COL27A1: variants seen among roughly 807,000 people sequenced by gnomAD.
The protein encoded by COL27A1 is collagen alpha-1(XXVII) chain.
In COL27A1, 106 loss-of-function variants were observed where a neutral mutation model predicts 251.3. The ratio of observed to expected loss-of-function variants is 0.42; its 90% CI spans 0.36 to 0.50. The LOEUF is 0.50. Ranked by LOEUF, COL27A1 falls within the 20% of genes least tolerant of loss-of-function variation. The pLI is 0.00. For missense variants in COL27A1, 2,325 were observed against 2,522.8 expected (o/e 0.92, Z 1.68); for synonymous variants, 1,000 against 986.3 (o/e 1.01, Z -0.26).
intron 7 of COL27A1, among the ~76,000 whole-genome samples, chr9:114,204,599 A>G (rs1375707028): frequency 2.6e-5 from 4 of 152,008 alleles, no homozygotes; most frequent in Non-Finnish European, 5.9e-5. Flanking sequence ...TTGGGTTAAT[A>G]AATGTGGTCA....
At chr9:114,162,837 C>A in intron 2 of COL27A1, 52 bp downstream of exon 2, 1 of 1,359,772 alleles carries the variant, frequency 7.4e-7, no homozygotes, top group South Asian at 1.2e-5. Context: ...ACGGAAGGGG[C>A]CTGAGAACTC....
chr9:114,212,812 T>C (rs1830454558), intron 12 of COL27A1, among the ~76,000 whole-genome samples: 2 of 152,200 alleles, frequency 1.3e-5, no homozygotes, highest in African/African-American at 2.4e-5. Context: ...GTTTCCTGGA[T>C]GGCTGAGGGG....
At chr9:114,298,806 TTTG>T (rs1828418197) in intron 49 of COL27A1, among the ~76,000 whole-genome samples, 1 of 152,176 alleles carries the variant, frequency 6.6e-6, no homozygotes, top group Admixed American at 6.5e-5. Flanking sequence ...ATCAAACACT[TTTG>T]TGCTTCCAAA....
In COL27A1 at chr9:114,178,349, G is replaced by T; in HGVS notation, c.1962+5G>T. On this transcript the variant is annotated splice_donor_5th_base_variant and intron_variant, in intron 4 of 60. Coordinates refer to ENST00000356083, the MANE Select transcript of COL27A1 (RefSeq NM_032888.4). ...CCTGGTGCACGTGGGCCTCGGGTGAGTTATCTCACACTGTCCTTTGGAACT... is the reference window on the plus strand; with the variant it reads ...CCTGGTGCACGTGGGCCTCGGGTGATTTATCTCACACTGTCCTTTGGAACT... 6.2e-7 allele frequency: 1 copy of T among 1,613,856 alleles called. No homozygotes were observed. Among genetic ancestry groups the T allele is most frequent in the Non-Finnish European group, 8.5e-7 (1 of 1,179,806 alleles).
At chr9:114,309,182 C>CA in intron 59 of COL27A1, 78 bp from the exon 60 acceptor site, 1 of 1,181,994 alleles carries the variant, frequency 8.5e-7, no homozygotes, top group Non-Finnish European at 1.3e-6. Flanking sequence ...CTGTTCCCTC[C>CA]ATAGAGAGGC....
rs1034579496 is a variant in COL27A1 at position 114,237,664 on chromosome 9, C to T, written c.2676C>T (p.Gly892=). The change falls in exon 19 of 61, where the codon GGC becomes GGT. Residue 892 remains glycine, a splice_region_variant and synonymous_variant. Coordinates refer to ENST00000356083, the MANE Select transcript of COL27A1 (RefSeq NM_032888.4). ...CTGCAACCTCTTCTCTTCCACAGGGCAAAGTCGGAGACAAAGGATCCATTG... is the reference window on the plus strand; with the variant it reads ...CTGCAACCTCTTCTCTTCCACAGGGTAAAGTCGGAGACAAAGGATCCATTG... ...PGARGKPGPL[G]KVGDKGSIGF... 8 of 1,613,942 alleles carry T rather than the reference C, an allele frequency of 5.0e-6. No homozygotes were observed. Among genetic ancestry groups the T allele is most frequent in the Non-Finnish European group, 5.9e-6 (7 of 1,179,932 alleles).
intron 40 of COL27A1, among the ~76,000 whole-genome samples, chr9:114,283,971 T>A (rs1313936849): frequency 1.3e-5 from 2 of 152,192 alleles, no homozygotes; most frequent in African/African-American, 4.8e-5. Flanking sequence ...TGGTTGGGGC[T>A]GCCAGAGCGA....
intron 3 of COL27A1, among the ~76,000 whole-genome samples, chr9:114,178,087 C>T (rs190566114): frequency 3.8e-4 from 58 of 152,268 alleles, no homozygotes; most frequent in African/African-American, 1.3e-3. Context: ...ATGATGAGGG[C>T]GTCAGTGACT....
At chr9:114,248,558 A>G (rs1018256403) in intron 24 of COL27A1, among the ~76,000 whole-genome samples, 3 of 152,176 alleles carry the variant, frequency 2.0e-5, no homozygotes, top group Non-Finnish European at 4.4e-5. Flanking sequence ...TAGAGGAGCC[A>G]GCCATGCCCG....
chr9:114,260,791 C>A (rs920306476), intron 28 of COL27A1, among the ~76,000 whole-genome samples: 1 of 152,170 alleles, frequency 6.6e-6, no homozygotes, highest in Non-Finnish European at 1.5e-5. Context: ...CTCAGCACCC[C>A]CGGTTCCCAG....
chr9:114,250,698 A>G, intron 25 of COL27A1, 30 bp downstream of exon 25: 2 of 1,601,094 alleles, frequency 1.2e-6, no homozygotes, highest in Non-Finnish European at 1.7e-6. Context: ...AAAGATAAAC[A>G]ATTAGAGCTT....
At chr9:114,220,024 C>T (rs1296324909) in intron 13 of COL27A1, among the ~76,000 whole-genome samples, 180 bp downstream of exon 13, 4 of 152,148 alleles carry the variant, frequency 2.6e-5, no homozygotes, top group African/African-American at 7.2e-5. Flanking sequence ...CTGTCTACTG[C>T]GGCTGCACCG....
chr9:114,307,088 T>A, intron 58 of COL27A1: 1 of 199,752 alleles, frequency 5.0e-6, no homozygotes, highest in South Asian at 8.9e-5. Context: ...CCAATGTCAG[T>A]TCTGCCTCAG....
At chr9:114,291,824 C>A (rs945824754) in intron 48 of COL27A1, among the ~76,000 whole-genome samples, 1 of 152,112 alleles carries the variant, frequency 6.6e-6, no homozygotes, top group Non-Finnish European at 1.5e-5. Context: ...GAGGGAACTG[C>A]ATGCTGTTGG....
chr9:114,205,283 C>G (rs1203512645), intron 8 of COL27A1, 137 bp downstream of exon 8: 8 of 737,464 alleles, frequency 1.1e-5, no homozygotes, highest in Non-Finnish European at 1.8e-5. Context: ...CCTGCTGGAG[C>G]CCCCAGCCCA....
rs189476106 is a variant in COL27A1, at chr9:114,214,278, A to G, written c.2367+3252A>G. Among the ~76,000 whole-genome samples, 238 of 152,272 alleles carry G rather than the reference A, an allele frequency of 1.6e-3. 1 individual carries two copies. The highest frequency in any genetic ancestry group is 2.0e-3 in the Non-Finnish European group (138 of 68,018). ...CCTCCTTATCCAAGCTTTAGGCCAG[A>G]CAGTTTCTAGGCACTTATTAAGAAA... On this transcript the variant is annotated intron_variant, in intron 12 of 60. Coordinates refer to ENST00000356083, the MANE Select transcript of COL27A1 (RefSeq NM_032888.4).
chr9:114,304,334 T>A (rs1384557151), intron 56 of COL27A1, among the ~76,000 whole-genome samples: 1 of 152,218 alleles, frequency 6.6e-6, no homozygotes, highest in East Asian at 1.9e-4. Flanking sequence ...GAAGGAGACA[T>A]GGCTCAAGAC....
rs1829272156 is a variant in COL27A1, at chr9:114,309,186, G to A, written c.5218-74G>A. Reference sequence around the variant, plus strand: ...GGGGCCTATCCCTGTTCCCTCCATAGAGAGGCAGGGAACCCTCGGTGTGGG... The same window carrying A: ...GGGGCCTATCCCTGTTCCCTCCATAAAGAGGCAGGGAACCCTCGGTGTGGG... On this transcript the variant is annotated intron_variant, in intron 59 of 60. Coordinates refer to ENST00000356083, the MANE Select transcript of COL27A1 (RefSeq NM_032888.4). The A allele has an allele frequency of 4.0e-5, 49 of 1,222,406 alleles. No homozygotes were observed. In the South Asian group the frequency reaches 4.2e-4, roughly 11 times the overall value. The allele number at this position is 1,222,406 out of a possible 1,614,324, so 75.7% of individuals were successfully genotyped here.
intron 2 of COL27A1, among the ~76,000 whole-genome samples, chr9:114,165,343 T>TC (rs914637694): frequency 6.6e-6 from 1 of 151,892 alleles, no homozygotes; most frequent in African/African-American, 2.4e-5. Flanking sequence ...TATCTATCCA[T>TC]CATCCATCCA....
Sources: allele counts gnomAD v4.1 joint callset (sites outside exome capture counted in the v4.1 genomes callset), GRCh38; gene constraint gnomAD v4.1.1; transcripts MANE v1.5; gene names NCBI Gene and HGNC (gene_info 2026-07-23, HGNC 2026-07-21).